TANC2: variants seen among roughly 807,000 people sequenced by gnomAD.
The protein encoded by TANC2 is protein TANC2.
Under a neutral mutation model 210.5 loss-of-function variants are expected in TANC2, and 26 were observed. The observed-to-expected ratio is 0.12, with a 90% CI of 0.09 to 0.17. The LOEUF (loss-of-function observed/expected upper bound fraction) is 0.17. TANC2 is among the 10% of genes least tolerant of loss of function. TANC2 has a pLI of 1.00. For synonymous variants in TANC2, 931 were observed against 967.1 expected (o/e 0.96, Z 0.69); for missense variants, 2,129 against 2,608.9 (o/e 0.82, Z 4.01).
At chr17:63,405,002 A>T (rs2048457163) in intron 19 of TANC2, 120 bp from the exon 20 acceptor site, 1 of 1,219,778 alleles carries the variant, frequency 8.2e-7, no homozygotes, top group African/African-American at 1.5e-5. Context: ...GGCAAAAATC[A>T]TTATTCTTAG....
chr17:63,088,450 A>T (rs1024859858), intron 3 of TANC2: 2 of 152,192 alleles, frequency 1.3e-5, no homozygotes, highest in African/African-American at 4.8e-5. Context: ...CAGTAATATT[A>T]AAGTTCCTGC....
intron 15 of TANC2, among the ~76,000 whole-genome samples, chr17:63,386,575 T>TA (rs1283442281): frequency 6.6e-6 from 1 of 152,216 alleles, no homozygotes; most frequent in Admixed American, 6.5e-5. Flanking sequence ...TCTACTTTTG[T>TA]AAATACATTT....
chr17:63,140,554 A>G (rs1378876644), intron 4 of TANC2, among the ~76,000 whole-genome samples: 1 of 152,108 alleles, frequency 6.6e-6, no homozygotes, highest in African/African-American at 2.4e-5. Context: ...ATTGGCTCAA[A>G]CTAGTCTTCT....
intron 14 of TANC2, among the ~76,000 whole-genome samples, chr17:63,370,213 C>G (rs1353204475): frequency 6.9e-6 from 1 of 145,538 alleles, no homozygotes; most frequent in African/African-American, 2.6e-5. Context: ...GAGTCTCTCT[C>G]TGTCACCCAG....
chr17:63,309,491 A>G (rs1431657106), intron 9 of TANC2, among the ~76,000 whole-genome samples: 1 of 152,142 alleles, frequency 6.6e-6, no homozygotes, highest in Non-Finnish European at 1.5e-5. Flanking sequence ...TGTTTTGTGA[A>G]TTATCTGGGT....
chr17:63,158,758 T>C (rs1336284855), intron 5 of TANC2, among the ~76,000 whole-genome samples: 2 of 152,222 alleles, frequency 1.3e-5, no homozygotes, highest in African/African-American at 2.4e-5. Context: ...GCATTTGTTA[T>C]CTCATTTTCT....
At chr17:63,302,408 A>T (rs1208449607) in intron 9 of TANC2, among the ~76,000 whole-genome samples, 3 of 151,962 alleles carry the variant, frequency 2.0e-5, no homozygotes, top group Non-Finnish European at 2.9e-5. Flanking sequence ...ATTGTGTGGG[A>T]ATCTAAGTCT....
intron 8 of TANC2, among the ~76,000 whole-genome samples, chr17:63,251,092 T>C (rs1160267093): frequency 6.6e-6 from 1 of 152,162 alleles, no homozygotes; most frequent in Non-Finnish European, 1.5e-5. Flanking sequence ...TCTGAAGTGG[T>C]AGAGTAATGA....
exon 6 of TANC2, chr17:63,193,995 T>A (rs769716095): frequency 2.1e-5 from 34 of 1,612,362 alleles, no homozygotes; most frequent in Admixed American, 1.5e-4. Context: ...TTACAGGTGA[T>A]GCTGAACAGG....
At chr17:63,253,781 C>G (rs1244926722) in intron 8 of TANC2, among the ~76,000 whole-genome samples, 5 of 152,030 alleles carry the variant, frequency 3.3e-5, no homozygotes, top group Middle Eastern at 3.4e-3. Context: ...CACCCACACC[C>G]AACTAATTTT....
Position 63,421,348 on chromosome 17 carries a change from TCTC to T in TANC2, c.5623_5625del (p.Ser1875del), listed in dbSNP as rs780723649. ...CGCTTCTCTCCATCTAGCAATAGTA[TCTC>T]CTCCACCTCCAACCTAACTCCGACC... On this transcript the variant is annotated inframe_deletion, in exon 28 of 28. Coordinates refer to ENST00000689528, the Ensembl canonical transcript of TANC2. The surrounding 1 kb of genome is among the most constrained non-coding windows in gnomAD (Gnocchi z 6.9). 3.1e-6 allele frequency: 5 copies of T among 1,613,956 alleles called. No individual in the cohort carries two copies. The highest frequency in any genetic ancestry group is 1.3e-5 in the African/African-American group (1 of 75,034).
intron 11 of TANC2, among the ~76,000 whole-genome samples, chr17:63,338,547 C>T (rs1598887606): frequency 6.6e-6 from 1 of 152,158 alleles, no homozygotes; most frequent in Admixed American, 6.5e-5. Flanking sequence ...GATTTGTACC[C>T]ATGTAGACCT....
chr17:63,274,035 T>C (rs2043798180), intron 9 of TANC2, among the ~76,000 whole-genome samples: 1 of 152,200 alleles, frequency 6.6e-6, no homozygotes, highest in Non-Finnish European at 1.5e-5. Flanking sequence ...TGAGAGCTGG[T>C]TACATGTTAT....
chr17:63,048,894 C>T (rs185325912), intron 2 of TANC2, among the ~76,000 whole-genome samples: 322 of 152,142 alleles, frequency 2.1e-3, no homozygotes, highest in Non-Finnish European at 4.0e-3. Flanking sequence ...ACAGGAAACC[C>T]CTGTGATACA....
At chr17:63,309,621 C>A (rs886216405) in intron 9 of TANC2, among the ~76,000 whole-genome samples, 8 of 152,046 alleles carry the variant, frequency 5.3e-5, no homozygotes, top group Non-Finnish European at 1.5e-5. Context: ...TTCAAGAAAT[C>A]CATTTAATGA....
chr17:63,092,502 A>G (rs2037235536), intron 3 of TANC2, among the ~76,000 whole-genome samples: 1 of 152,068 alleles, frequency 6.6e-6, no homozygotes, highest in Admixed American at 6.6e-5. Flanking sequence ...CTATAAAGAA[A>G]TACCTGAGAC....
intron 9 of TANC2, among the ~76,000 whole-genome samples, chr17:63,274,918 C>G (rs772159013): frequency 1.6e-4 from 25 of 152,268 alleles, no homozygotes; most frequent in Admixed American, 9.2e-4. Flanking sequence ...TCTTTCTGAT[C>G]ATCTTAATGA....
chr17:63,415,455 G>GAA, intron 25 of TANC2, 73 bp from the exon 26 acceptor site: 1 of 1,565,126 alleles, frequency 6.4e-7, no homozygotes, highest in South Asian at 1.2e-5. Context: ...AGAAGAAGAA[G>GAA]GGAGTGGGGA....
chr17:63,340,422 A>G, intron 12 of TANC2, 90 bp downstream of exon 12: 1 of 1,094,524 alleles, frequency 9.1e-7, no homozygotes. Context: ...ATTTTATCAC[A>G]TTGCCAAAAC....
Sources: allele counts gnomAD v4.1 joint callset (sites outside exome capture counted in the v4.1 genomes callset), GRCh38; gene constraint gnomAD v4.1.1; non-coding constraint Gnocchi (gnomAD v3.1); transcripts MANE v1.5; gene names NCBI Gene and HGNC (gene_info 2026-07-23, HGNC 2026-07-21).